The following SMARCA1 variants were observed in gnomAD, a reference collection of about 807,000 sequenced individuals.
SMARCA1 encodes the protein SWI/SNF-related matrix-associated actin-dependent regulator of chromatin subfamily A member 1.
Under a neutral mutation model 93.6 loss-of-function variants are expected in SMARCA1, and 17 were observed. That is an observed-to-expected ratio of 0.18 (90% CI 0.12 to 0.27). The LOEUF is 0.27. Among genes scored for constraint, SMARCA1 ranks in the 10% least tolerant of loss-of-function variants. SMARCA1 has a pLI of 1.00. For missense variants in SMARCA1, 630 were observed against 819.0 expected (o/e 0.77, Z 2.82); for synonymous variants, 271 against 271.4 (o/e 1.00, Z 0.01).
chrX:129,507,526 G>A (rs1934864449), intron 7 of SMARCA1, among the ~76,000 whole-genome samples: 1 of 112,555 alleles, frequency 8.9e-6, no homozygotes, highest in Non-Finnish European at 1.9e-5. Flanking sequence ...ATTTAGATTT[G>A]CATTCACATT....
At chrX:129,499,632 A>C (rs1327350476) in intron 10 of SMARCA1, 100 bp downstream of exon 10, 4 of 422,192 alleles carry the variant, frequency 9.5e-6, no homozygotes, top group Non-Finnish European at 1.7e-5. Flanking sequence ...TAAATATAAA[A>C]TGTAATTTTT....
chrX:129,521,029 C>T (rs1294885755), intron 1 of SMARCA1, among the ~76,000 whole-genome samples: 1 of 107,902 alleles, frequency 9.3e-6, no homozygotes, highest in Non-Finnish European at 1.9e-5. Flanking sequence ...AGGTGCCTGC[C>T]ACCACACTTG....
At chrX:129,510,555 G>A (rs1217293348) in intron 6 of SMARCA1, among the ~76,000 whole-genome samples, 3 of 111,384 alleles carry the variant, frequency 2.7e-5, no homozygotes, top group Admixed American at 9.5e-5. Context: ...GCGACAGAGC[G>A]AGACCCCGCC....
chrX:129,447,360 T>G, intron 24 of SMARCA1, 127 bp from the exon 25 acceptor site: 1 of 688,731 alleles, frequency 1.5e-6, no homozygotes, highest in Non-Finnish European at 2.1e-6. Flanking sequence ...AAATGTTATA[T>G]TCACAGTTAA....
intron 20 of SMARCA1, among the ~76,000 whole-genome samples, chrX:129,469,188 T>A (rs1392906565): frequency 1.8e-5 from 2 of 111,620 alleles, no homozygotes; most frequent in Non-Finnish European, 3.8e-5. Flanking sequence ...TACAAATGCA[T>A]GAAAATAAAA....
At chrX:129,500,731 C>G (rs1934528639) in intron 9 of SMARCA1, among the ~76,000 whole-genome samples, 1 of 111,842 alleles carries the variant, frequency 8.9e-6, no homozygotes, top group Non-Finnish European at 1.9e-5. Context: ...TACTCACTAT[C>G]AATCATTTCC....
Position 129,505,932 on chromosome X carries a change from T to A in SMARCA1, c.1098+148A>T, listed in dbSNP as rs1042365624. ...TCCAAAGATCCTCATTTTAAAACTC[T>A]ATTAAAGAACTCTTTCCTAAGAAAA... On this transcript the variant is annotated intron_variant, in intron 8 of 24. Transcript: ENST00000371121. 28 of 456,302 alleles carry A rather than the reference T, an allele frequency of 6.1e-5. No individual in the cohort carries two copies. In the African/African-American group the frequency reaches 6.3e-4, roughly 10 times the overall value. 37.6% of individuals were successfully genotyped at this position (456,302 alleles called of 1,213,427 possible).
At chrX:129,494,952 A>T (rs1934265880) in intron 12 of SMARCA1, among the ~76,000 whole-genome samples, 2 of 112,521 alleles carry the variant, frequency 1.8e-5, no homozygotes, top group Non-Finnish European at 3.8e-5. Context: ...TTCATTATAA[A>T]ACTGATGACA....
intron 17 of SMARCA1, among the ~76,000 whole-genome samples, chrX:129,484,149 G>A (rs1602686723): frequency 8.9e-6 from 1 of 112,025 alleles, no homozygotes; most frequent in East Asian, 2.8e-4. Flanking sequence ...AGATAGCCAA[G>A]TATTTTACTA....
At chrX:129,511,404 A>G (rs1014499580) in intron 6 of SMARCA1, among the ~76,000 whole-genome samples, 11 of 112,252 alleles carry the variant, frequency 9.8e-5, no homozygotes, top group Admixed American at 3.8e-4. Context: ...ACTTAAATAT[A>G]AAATTTTAAG....
intron 17 of SMARCA1, among the ~76,000 whole-genome samples, chrX:129,485,220 G>C (rs1051863988): frequency 8.9e-6 from 1 of 112,252 alleles, no homozygotes; most frequent in Non-Finnish European, 1.9e-5. Flanking sequence ...GGCTGCCCAA[G>C]GGCTCGGGAC....
At chrX:129,484,446 C>T (rs756078190) in intron 17 of SMARCA1, among the ~76,000 whole-genome samples, 74 of 111,207 alleles carry the variant, frequency 6.7e-4, no homozygotes, top group Admixed American at 2.2e-3. Flanking sequence ...AAACTAAAAG[C>T]TATCAGAAGC....
intron 9 of SMARCA1, among the ~76,000 whole-genome samples, chrX:129,502,295 G>T (rs1483392606): frequency 9.0e-6 from 1 of 111,375 alleles, no homozygotes; most frequent in East Asian, 2.8e-4. Flanking sequence ...GAAAGTCAAA[G>T]ACAAAGCCTT....
At chrX:129,457,800 G>A (rs1932699350) in intron 23 of SMARCA1, among the ~76,000 whole-genome samples, 1 of 111,997 alleles carries the variant, frequency 8.9e-6, no homozygotes, top group Non-Finnish European at 1.9e-5. Context: ...TAGAGAACAA[G>A]CTGATTTCCT....
intron 23 of SMARCA1, among the ~76,000 whole-genome samples, chrX:129,463,860 C>T (rs1332786445): frequency 9.0e-6 from 1 of 111,280 alleles, no homozygotes; most frequent in Non-Finnish European, 1.9e-5. Flanking sequence ...TTGCTTGAAC[C>T]CGGGAGGTGG....
chrX:129,454,188 G>A (rs1433259825), intron 23 of SMARCA1, among the ~76,000 whole-genome samples: 1 of 111,858 alleles, frequency 8.9e-6, no homozygotes, highest in African/African-American at 3.3e-5. Context: ...ACAAGCAATG[G>A]GGAAAGGATT....
At chrX:129,522,083 C>T (rs371466946) in intron 1 of SMARCA1, among the ~76,000 whole-genome samples, 1 of 111,638 alleles carries the variant, frequency 9.0e-6, no homozygotes, top group African/African-American at 3.3e-5. Flanking sequence ...AAAATCCACA[C>T]ATAAACCATT....
chrX:129,456,577 ATTCGTGAT>A (rs1331260574), intron 23 of SMARCA1, among the ~76,000 whole-genome samples: 1 of 112,622 alleles, frequency 8.9e-6, no homozygotes, highest in Non-Finnish European at 1.9e-5. Flanking sequence ...CATTAAGAAC[ATTCGTGAT>A]TTATGGAAGG....
chrX:129,463,317 G>A (rs1932838212), intron 23 of SMARCA1, among the ~76,000 whole-genome samples: 2 of 111,542 alleles, frequency 1.8e-5, no homozygotes, highest in South Asian at 7.6e-4. Context: ...GGAGTTCTCT[G>A]CTAAACATAG....
Sources: gnomAD v4.1 joint callset for allele counts (sites outside exome capture counted in the v4.1 genomes callset) on GRCh38, gnomAD v4.1.1 for gene constraint, MANE v1.5 for transcripts, NCBI Gene and HGNC (gene_info 2026-07-23, HGNC 2026-07-21) for gene names.